The following PTPRG variants were observed in gnomAD, a reference collection of about 807,000 sequenced individuals.
PTPRG encodes the protein protein tyrosine phosphatase receptor type G.
A neutral mutation model predicts 165.3 loss-of-function variants in PTPRG; 102 were observed. The ratio of observed to expected loss-of-function variants is 0.62; its 90% CI spans 0.53 to 0.73. PTPRG has a LOEUF of 0.73. PTPRG is among the 30% of genes least tolerant of loss of function. The probability of loss-of-function intolerance (pLI) is 0.00; values close to 1 mark genes in which losing one functional copy is unlikely to be tolerated. For missense variants in PTPRG, 1,866 were observed against 1,861.4 expected (o/e 1.00, Z -0.05); for synonymous variants, 675 against 669.5 (o/e 1.01, Z -0.13).
chr3:61,579,277 C>T (rs888586055), intron 1 of PTPRG, among the ~76,000 whole-genome samples: 6 of 152,166 alleles, frequency 3.9e-5, no homozygotes, highest in African/African-American at 1.4e-4. Context: ...GCGACAGCTC[C>T]CTCTCCCCGT....
At chr3:61,991,836 A>G (rs115228072) in intron 3 of PTPRG, among the ~76,000 whole-genome samples, 1,569 of 152,304 alleles carry the variant, frequency 0.01, 30 homozygotes, top group African/African-American at 0.036. Flanking sequence ...CGTTTCATTG[A>G]CAGCTTTCAG....
In PTPRG at chr3:61,755,393, G is replaced by A. The variant is rs2033602177; in HGVS notation, c.190+6411G>A. On this transcript the variant is annotated intron_variant, in intron 2 of 29. Coordinates refer to ENST00000474889, the MANE Select transcript of PTPRG (RefSeq NM_002841.4). ...TCTTCCTCCATGTCTCAGCTCAAAG[G>A]CTCCCTGTGCCTTGGTGCTTAGCCT... Among the ~76,000 whole-genome samples, 4 of 152,120 alleles carry A rather than the reference G, an allele frequency of 2.6e-5. 1 individual carries two copies. The South Asian group carries it at 8.3e-4, about 31-fold the overall frequency.
At chr3:62,130,690 T>G (rs2106921581) in intron 5 of PTPRG, among the ~76,000 whole-genome samples, 1 of 152,366 alleles carries the variant, frequency 6.6e-6, no homozygotes, top group African/African-American at 2.4e-5. Context: ...TCTCTTCTCT[T>G]GCATTCCTGA....
intron 3 of PTPRG, among the ~76,000 whole-genome samples, chr3:61,995,080 C>CTTTTTTTTTTTTTTTTTTTTT (rs1233679653): frequency 1.9e-5 from 2 of 107,400 alleles, no homozygotes; most frequent in African/African-American, 8.3e-5. Context: ...TCTTTTCTTT[C>CTTTTTTTTTTTTTTTTTTTTT]TTTCTTTTTT....
intron 1 of PTPRG, among the ~76,000 whole-genome samples, chr3:61,730,342 G>A (rs1265353813): frequency 1.3e-5 from 2 of 152,166 alleles, no homozygotes; most frequent in African/African-American, 4.8e-5. Flanking sequence ...CCCACACCAG[G>A]AAGAAATGCA....
chr3:61,856,267 C>G (rs1435919357), intron 2 of PTPRG, among the ~76,000 whole-genome samples: 1 of 152,080 alleles, frequency 6.6e-6, no homozygotes, highest in African/African-American at 2.4e-5. Flanking sequence ...TTAATCACTC[C>G]AAGTGGAAGC....
chr3:61,813,210 G>A lies in PTPRG; in HGVS notation c.190+64228G>A, dbSNP rs553142321. On this transcript the variant is annotated intron_variant, in intron 2 of 29. Coordinates refer to ENST00000474889, the MANE Select transcript of PTPRG (RefSeq NM_002841.4). Reference sequence around the variant, plus strand: ...TATTTTAGAATGAAAATCTTTGTGGGTATGGCTGGGCACAGTGGCTCACGC... The same window carrying A: ...TATTTTAGAATGAAAATCTTTGTGGATATGGCTGGGCACAGTGGCTCACGC... Among the ~76,000 whole-genome samples the A allele has an allele frequency of 3.9e-4, 59 of 151,560 alleles. No individual in the cohort carries two copies. In the South Asian group the frequency reaches 5.9e-3, roughly 15 times the overall value.
intron 1 of PTPRG, among the ~76,000 whole-genome samples, chr3:61,683,703 CGACTTAT>C (rs1437126965): frequency 1.3e-5 from 2 of 152,184 alleles, no homozygotes; most frequent in Admixed American, 6.5e-5. Flanking sequence ...AGCTCTCTCT[CGACTTAT>C]GACTTCACCG....
chr3:62,090,466 A>G (rs1701890999), intron 5 of PTPRG, among the ~76,000 whole-genome samples: 1 of 152,146 alleles, frequency 6.6e-6, no homozygotes, highest in Non-Finnish European at 1.5e-5. Context: ...TCATATCTGA[A>G]CTTAGTAGCA....
chr3:61,800,041 C>G (rs1449824014), intron 2 of PTPRG, among the ~76,000 whole-genome samples: 1 of 152,150 alleles, frequency 6.6e-6, no homozygotes, highest in Non-Finnish European at 1.5e-5. Flanking sequence ...CTTTCTTCAT[C>G]TATCATATGG....
At chr3:62,081,267 AACAAACAAAC>A (rs1701567714) in intron 5 of PTPRG, among the ~76,000 whole-genome samples, 8 of 106,128 alleles carry the variant, frequency 7.5e-5, no homozygotes, top group East Asian at 2.7e-4. Flanking sequence ...AAAACAAACA[AACAAACAAAC>A]AAACAAACAA....
At chr3:62,122,581 C>T (rs1303228156) in intron 5 of PTPRG, among the ~76,000 whole-genome samples, 1 of 152,190 alleles carries the variant, frequency 6.6e-6, no homozygotes, top group Non-Finnish European at 1.5e-5. Context: ...GTGACTTGTT[C>T]AGTGGCACCT....
At chr3:62,163,363 TTAAG>T (rs1704843303) in intron 7 of PTPRG, among the ~76,000 whole-genome samples, 1 of 151,878 alleles carries the variant, frequency 6.6e-6, no homozygotes, top group African/African-American at 2.4e-5. Flanking sequence ...TTTCTGTGGA[TTAAG>T]TGAGAGAAAG....
At chr3:62,173,184 A>G (rs751514669) in intron 8 of PTPRG, among the ~76,000 whole-genome samples, 13 of 152,182 alleles carry the variant, frequency 8.5e-5, no homozygotes, top group Non-Finnish European at 1.8e-4. Context: ...TGCCATGTAA[A>G]TAGTTGTTAT....
chr3:61,857,519 C>T (rs978785735), intron 2 of PTPRG, among the ~76,000 whole-genome samples: 1 of 152,128 alleles, frequency 6.6e-6, no homozygotes, highest in Non-Finnish European at 1.5e-5. Flanking sequence ...TTTGCCCCAG[C>T]ACAGCGTATT....
At chr3:62,244,290 T>G (rs57706990) in intron 15 of PTPRG, among the ~76,000 whole-genome samples, 41,573 of 152,124 alleles carry the variant, frequency 0.27, 6,346 homozygotes, top group African/African-American at 0.4. Flanking sequence ...TGTGTGGAAA[T>G]AGAGGAATAC....
At chr3:61,849,873 G>T (rs2036913911) in intron 2 of PTPRG, among the ~76,000 whole-genome samples, 1 of 152,202 alleles carries the variant, frequency 6.6e-6, no homozygotes, top group Non-Finnish European at 1.5e-5. Flanking sequence ...GCGAAGTCCT[G>T]ATAGCTGAGT....
At chr3:61,883,884 G>T (rs1165137430) in intron 2 of PTPRG, among the ~76,000 whole-genome samples, 1 of 152,102 alleles carries the variant, frequency 6.6e-6, no homozygotes, top group African/African-American at 2.4e-5. Flanking sequence ...GCTAATTTCT[G>T]TTTTTGTTTT....
At chr3:61,854,745 A>G (rs1009798695) in intron 2 of PTPRG, among the ~76,000 whole-genome samples, 1 of 152,184 alleles carries the variant, frequency 6.6e-6, no homozygotes, top group African/African-American at 2.4e-5. Context: ...TAAACTAGGT[A>G]TCAGGTAAGA....
Sources: allele counts gnomAD v4.1 joint callset (sites outside exome capture counted in the v4.1 genomes callset), GRCh38; gene constraint gnomAD v4.1.1; transcripts MANE v1.5; gene names NCBI Gene and HGNC (gene_info 2026-07-23, HGNC 2026-07-21).